RCAN3: variants seen among roughly 807,000 people sequenced by gnomAD.
The protein encoded by RCAN3 is calcipressin-3.
A neutral mutation model predicts 21.9 loss-of-function variants in RCAN3; 19 were observed. The observed-to-expected ratio is 0.87, with a 90% CI of 0.61 to 1.27. The LOEUF (loss-of-function observed/expected upper bound fraction) is 1.27. Ranked by LOEUF, RCAN3 falls within the 50% of genes most tolerant of loss-of-function variation. The pLI, the probability that RCAN3 is intolerant of heterozygous loss-of-function variation, is 0.00. For synonymous variants in RCAN3, 114 were observed against 112.3 expected (o/e 1.01, Z -0.09); for missense variants, 240 against 300.1 (o/e 0.80, Z 1.48).
At chr1:24,516,650 T>C (rs1470141425) in intron 2 of RCAN3, among the ~76,000 whole-genome samples, 2 of 152,098 alleles carry the variant, frequency 1.3e-5, no homozygotes, top group Non-Finnish European at 2.9e-5. Flanking sequence ...TGTCCTTTTG[T>C]GGGAAACGGT....
At chr1:24,517,083 TG>T (rs1307861380) in intron 2 of RCAN3, among the ~76,000 whole-genome samples, 2 of 121,100 alleles carry the variant, frequency 1.7e-5, no homozygotes, top group East Asian at 7.7e-4. Flanking sequence ...TCTATTTTTT[TG>T]TTTTTTTTTG....
chr1:24,538,571 A>ATT lies in RCAN3; in HGVS notation c.*3313_*3314dup, dbSNP rs34827408. 0.025 allele frequency: 3,220 copies of ATT among 127,462 alleles called. 43 individuals carry two copies. Among genetic ancestry groups the ATT allele is most frequent in the Non-Finnish European group, 0.036 (2,199 of 61,934 alleles). The allele number at this position is 127,462 out of a possible 1,614,324, so 7.9% of individuals were successfully genotyped here. ...AGGCGCCCGCTCCCACGCCCGGCTA[A>ATT]TTTTTTTTTTTTTTTTTTTTATAAG... On this transcript the variant is annotated 3_prime_UTR_variant, in exon 5 of 5. Coordinates refer to ENST00000374395, the MANE Select transcript of RCAN3 (RefSeq NM_013441.4).
At chr1:24,532,576 G>A (rs545300268) in intron 3 of RCAN3, among the ~76,000 whole-genome samples, 36 of 151,982 alleles carry the variant, frequency 2.4e-4, no homozygotes, top group African/African-American at 7.7e-4. Flanking sequence ...CCTACTGTGT[G>A]TGGCCATGTG....
At position 24,538,380 on chromosome 1, in the gene RCAN3, A is replaced by ATATTTTT. The variant is rs1198086504; in HGVS notation, c.*3118_*3124dup. ...AGTTCAACATAAAGGTTTAAATAAA[A>ATATTTTT]TATTTTTTATTTTTTATTTTTATTT... On this transcript the variant is annotated 3_prime_UTR_variant, in exon 5 of 5. Coordinates refer to ENST00000374395, the MANE Select transcript of RCAN3 (RefSeq NM_013441.4). 2 of 151,828 alleles carry ATATTTTT rather than the reference A, an allele frequency of 1.3e-5. No individual in the cohort carries two copies. The highest frequency in any genetic ancestry group is 4.8e-5 in the African/African-American group (2 of 41,382). 9.4% of individuals were successfully genotyped at this position (151,828 alleles called of 1,614,324 possible).
At chr1:24,505,118 G>A (rs548942389) in intron 1 of RCAN3, among the ~76,000 whole-genome samples, 69 of 150,824 alleles carry the variant, frequency 4.6e-4, no homozygotes, top group South Asian at 3.6e-3. Context: ...CTACCTGTAA[G>A]TGGTAAATGA....
chr1:24,534,484 G>GC (rs1358674059), intron 4 of RCAN3, among the ~76,000 whole-genome samples: 1 of 152,126 alleles, frequency 6.6e-6, no homozygotes, highest in African/African-American at 2.4e-5. Context: ...GCGGGCGCCT[G>GC]TAGTCCCAGC....
chr1:24,525,469 C>G lies in RCAN3; in HGVS notation c.196-5749C>G, dbSNP rs9424328. The stretch of plus-strand genomic sequence containing the variant: ...GCATTGTTTGTGTTATGCCTGTAGA[C>G]GTTGTGCTGCCAGAGGGGGATACTA... On this transcript the variant is annotated intron_variant, in intron 2 of 4. Coordinates refer to ENST00000374395, the MANE Select transcript of RCAN3 (RefSeq NM_013441.4). The surrounding 1 kb of genome is among the most constrained non-coding windows in gnomAD (Gnocchi z 4.1). 0.07 allele frequency among the ~76,000 whole-genome samples: 10,586 copies of G among 152,114 alleles called. 1,184 individuals are homozygous for G. The highest frequency in any genetic ancestry group is 0.23 in the African/African-American group (9,684 of 41,434).
chr1:24,534,074 C>G (rs1650015675), intron 4 of RCAN3, among the ~76,000 whole-genome samples: 2 of 152,118 alleles, frequency 1.3e-5, no homozygotes, highest in Admixed American at 1.3e-4. Flanking sequence ...CTCTACCTCT[C>G]TTCCTTTTAA....
chr1:24,533,169 T>TC lies in RCAN3; in HGVS notation c.461dup (p.Val155GlyfsTer16), dbSNP rs1279762285. On this transcript the variant is annotated frameshift_variant, in exon 4 of 5. Coordinates refer to ENST00000374395, the MANE Select transcript of RCAN3 (RefSeq NM_013441.4). LOFTEE classifies it high-confidence loss of function. ...AGTTCCTCATCTCCCCTCCAGCCTC[T>TC]CCCCCGGTGGGGTGGAAGCAGAGCG... 3 of 1,605,986 alleles carry TC rather than the reference T, an allele frequency of 1.9e-6. No individual in the cohort carries two copies. Among genetic ancestry groups the TC allele is most frequent in the Non-Finnish European group, 2.5e-6 (3 of 1,177,360 alleles).
Position 24,537,905 on chromosome 1 carries a change from AAAAAG to A in RCAN3, c.*2630_*2634del, listed in dbSNP as rs149257289. The A allele has an allele frequency of 0.025, 3,856 of 152,354 alleles. 175 individuals are homozygous for A. The highest frequency in any genetic ancestry group is 0.087 in the African/African-American group (3,625 of 41,544). 9.4% of individuals were successfully genotyped at this position (152,354 alleles called of 1,614,324 possible). On this transcript the variant is annotated 3_prime_UTR_variant, in exon 5 of 5. Transcript: ENST00000374395. ...CAAGAGCGAAACTCCGTCTCAAAAAAAAAAGATTTAACCCTGATTGATAGTATAGT... is the reference window on the plus strand; with the variant it reads ...CAAGAGCGAAACTCCGTCTCAAAAAAATTTAACCCTGATTGATAGTATAGT...
At position 24,535,345 on chromosome 1, in the gene RCAN3, C is replaced by T. The variant is rs192837118; in HGVS notation, c.*68C>T. The T allele has an allele frequency of 3.4e-6, 5 of 1,468,100 alleles. No homozygotes were observed. Among genetic ancestry groups the T allele is most frequent in the East Asian group, 4.9e-5 (2 of 40,408 alleles). 90.9% of individuals were successfully genotyped at this position (1,468,100 alleles called of 1,614,324 possible). On this transcript the variant is annotated 3_prime_UTR_variant, in exon 5 of 5. Transcript: ENST00000374395. ...GGCCATGGCGCTCTGTGCCTGCGGCCGATGCGTTGCTGCGAACAGCATAGG... is the reference window on the plus strand; with the variant it reads ...GGCCATGGCGCTCTGTGCCTGCGGCTGATGCGTTGCTGCGAACAGCATAGG...
chr1:24,516,106 G>A (rs1360880904), intron 2 of RCAN3, among the ~76,000 whole-genome samples: 1 of 151,782 alleles, frequency 6.6e-6, no homozygotes, highest in African/African-American at 2.4e-5. Flanking sequence ...TTGCGCCAGC[G>A]TACTCCAGCC....
In RCAN3 at chr1:24,535,330, C is replaced by G; in HGVS notation, c.*53C>G. On this transcript the variant is annotated 3_prime_UTR_variant, in exon 5 of 5. Coordinates refer to ENST00000374395, the MANE Select transcript of RCAN3 (RefSeq NM_013441.4). ...GCCCTGGTGGGCTCTGGCCATGGCG[C>G]TCTGTGCCTGCGGCCGATGCGTTGC... 1.3e-6 allele frequency: 2 copies of G among 1,486,350 alleles called. No individual in the cohort carries two copies. The highest frequency in any genetic ancestry group is 3.0e-5 in the South Asian group (2 of 67,212). The allele number at this position is 1,486,350 out of a possible 1,614,324, so 92.1% of individuals were successfully genotyped here.
chr1:24,513,513 T>A (rs900590846), intron 1 of RCAN3, among the ~76,000 whole-genome samples: 1 of 151,778 alleles, frequency 6.6e-6, no homozygotes, highest in Non-Finnish European at 1.5e-5. Flanking sequence ...CAAAAAAATA[T>A]AAAAAGTTAG....
intron 1 of RCAN3, among the ~76,000 whole-genome samples, chr1:24,506,666 A>G (rs1211559072): frequency 6.6e-6 from 1 of 150,964 alleles, no homozygotes; most frequent in Non-Finnish European, 1.5e-5. Flanking sequence ...TGCTATTCTT[A>G]TAACTTCTGT....
chr1:24,528,610 G>A (rs750404357), intron 2 of RCAN3, among the ~76,000 whole-genome samples: 3 of 152,170 alleles, frequency 2.0e-5, no homozygotes, highest in African/African-American at 7.2e-5. Flanking sequence ...TCTGGAAGAC[G>A]AAGAGGGTCA....
At chr1:24,529,384 C>T (rs1649556843) in intron 2 of RCAN3, among the ~76,000 whole-genome samples, 1 of 149,978 alleles carries the variant, frequency 6.7e-6, no homozygotes, top group Non-Finnish European at 1.5e-5. Flanking sequence ...GAGACTTCAT[C>T]TCATTTAAAA....
intron 1 of RCAN3, among the ~76,000 whole-genome samples, chr1:24,507,189 C>A (rs1433855305): frequency 6.6e-6 from 1 of 152,174 alleles, no homozygotes; most frequent in African/African-American, 2.4e-5. Context: ...TCTCATGCCA[C>A]CCCCACCAAA....
Position 24,539,322 on chromosome 1 carries a change from G to A in RCAN3, c.*4045G>A, listed in dbSNP as rs1479598310. 6.6e-6 allele frequency: 1 copy of A among 152,060 alleles called. No individual in the cohort carries two copies. The highest frequency in any genetic ancestry group is 1.5e-5 in the Non-Finnish European group (1 of 68,024). 9.4% of individuals were successfully genotyped at this position (152,060 alleles called of 1,614,324 possible). On this transcript the variant is annotated 3_prime_UTR_variant, in exon 5 of 5. Transcript: ENST00000374395. ...AAAAATCTCATCATTCGATGGAAGA[G>A]GTGACTTAATAATTTTATTAATGAA...
Sources: gnomAD v4.1 joint callset for allele counts (sites outside exome capture counted in the v4.1 genomes callset) on GRCh38, gnomAD v4.1.1 for gene constraint, Gnocchi (gnomAD v3.1) non-coding constraint, MANE v1.5 for transcripts, NCBI Gene and HGNC (gene_info 2026-07-23, HGNC 2026-07-21) for gene names.